PRND: variants seen among roughly 807,000 people sequenced by gnomAD.
PRND encodes the protein prion like protein doppel.
For missense variants in PRND, 227 were observed against 223.3 expected (o/e 1.02, Z -0.11); for synonymous variants, 94 against 93.2 (o/e 1.01, Z -0.05).
At position 4,724,311 on chromosome 20, in the gene PRND, C is replaced by A. The variant is rs2256319; in HGVS notation, c.-11-230C>A. 0.9 allele frequency among the ~76,000 whole-genome samples: 136,217 copies of A among 152,182 alleles called. 61,212 individuals are homozygous for A. Among genetic ancestry groups the A allele is most frequent in the African/African-American group, 0.97 (40,478 of 41,534 alleles). ...TGCCCTTTGCCATTCTTACCTGTCT[C>A]GGAAACCGGGACCAGAGCCCTGAGT... On this transcript the variant is annotated intron_variant, in intron 1 of 1. Transcript: ENST00000305817. The surrounding 1 kb of genome is among the most constrained non-coding windows in gnomAD (Gnocchi z 4.8).
rs913532861 is a variant in PRND, at chr20:4,727,599, C to A, written c.*2517C>A. ...TATTGTAAAAGTGACATGAAAATTA[C>A]AACAGATATTCCAGACCAAAATAAT... On this transcript the variant is annotated 3_prime_UTR_variant, in exon 2 of 2. Coordinates refer to ENST00000305817, the MANE Select transcript of PRND (RefSeq NM_012409.4). 3.0e-5 allele frequency: 5 copies of A among 167,034 alleles called. No individual in the cohort carries two copies. The highest frequency in any genetic ancestry group is 1.2e-4 in the African/African-American group (5 of 41,432). 10.3% of individuals were successfully genotyped at this position (167,034 alleles called of 1,614,324 possible). A position where few individuals can be genotyped will look rare whatever the true frequency, so the allele number is the denominator to read the frequency against.
rs1363077807 is a variant in PRND, at chr20:4,725,941, GC to G, written c.*861del. ...AACGGCATGATTTTGGCTCACTGCA[GC>G]CTCTGCCTCCCAGGCTCAAGCACTT... On this transcript the variant is annotated 3_prime_UTR_variant, in exon 2 of 2. Transcript: ENST00000305817. The G allele has an allele frequency of 6.2e-6, 1 of 161,730 alleles. No homozygotes were observed. The highest frequency in any genetic ancestry group is 1.5e-5 in the Non-Finnish European group (1 of 67,878). The allele number at this position is 161,730 out of a possible 1,614,324, so 10.0% of individuals were successfully genotyped here. A position where few individuals can be genotyped will look rare whatever the true frequency, so the allele number is the denominator to read the frequency against.
Position 4,722,148 on chromosome 20 carries a change from A to T in PRND, c.-12+179A>T, listed in dbSNP as rs73585013. Among the ~76,000 whole-genome samples, 1,137 of 152,314 alleles carry T rather than the reference A, an allele frequency of 7.5e-3. 18 individuals are homozygous for T. The highest frequency in any genetic ancestry group is 0.026 in the African/African-American group (1,084 of 41,548). On this transcript the variant is annotated intron_variant, in intron 1 of 1. Coordinates refer to ENST00000305817, the MANE Select transcript of PRND (RefSeq NM_012409.4). Reference sequence around the variant, plus strand: ...GCTTGCCTTTCTCTAAGTTGGTGCTATAATAAAATGCTACTTTAGGGTTTG... The same window carrying T: ...GCTTGCCTTTCTCTAAGTTGGTGCTTTAATAAAATGCTACTTTAGGGTTTG...
Position 4,724,414 on chromosome 20 carries a change from T to A in PRND, c.-11-127T>A, listed in dbSNP as rs1207605819. 10 of 1,230,734 alleles carry A rather than the reference T, an allele frequency of 8.1e-6. No individual in the cohort carries two copies. Among genetic ancestry groups the A allele is most frequent in the African/African-American group, 1.5e-5 (1 of 67,500 alleles). 76.2% of individuals were successfully genotyped at this position (1,230,734 alleles called of 1,614,324 possible). On this transcript the variant is annotated intron_variant, in intron 1 of 1. Transcript: ENST00000305817. The surrounding 1 kb of genome is among the most constrained non-coding windows in gnomAD (Gnocchi z 4.8). ...CAACCCAAACATGGGGAAACAATTA[T>A]GCTTTTGAGACCACATAAATAGCAC...
At position 4,724,768 on chromosome 20, in the gene PRND, G is replaced by T; in HGVS notation, c.217G>T (p.Glu73Ter). 1.2e-6 allele frequency: 2 copies of T among 1,614,220 alleles called. No homozygotes were observed. The highest frequency in any genetic ancestry group is 1.7e-6 in the Non-Finnish European group (2 of 1,180,042). ...CAAGCTCGACATTGACTTCGGAGCC[G>T]AGGGCAACAGGTACTACGAGGCCAA... ...GRKLDIDFGA[E>*]GNRYYEANYW... Residue 73 changes from glutamate to a stop codon, truncating the protein, a stop_gained, in exon 2 of 2, where the codon GAG becomes TAG. Coordinates refer to ENST00000305817, the MANE Select transcript of PRND (RefSeq NM_012409.4). LOFTEE classifies it low-confidence loss of function (END_TRUNC). The surrounding 1 kb of genome is among the most constrained non-coding windows in gnomAD (Gnocchi z 4.8).
chr20:4,722,717 C>T (rs1923138926), intron 1 of PRND, among the ~76,000 whole-genome samples: 1 of 152,090 alleles, frequency 6.6e-6, no homozygotes, highest in African/African-American at 2.4e-5. Flanking sequence ...TCAGCCTCCT[C>T]CAGCTCTGGG....
At chr20:4,722,238 G>A (rs1354167661) in intron 1 of PRND, among the ~76,000 whole-genome samples, 2 of 151,842 alleles carry the variant, frequency 1.3e-5, no homozygotes, top group African/African-American at 2.4e-5. Context: ...TCTCAAGAAT[G>A]CTGTGCTTTT....
At position 4,727,812 on chromosome 20, in the gene PRND, G is replaced by T. The variant is rs1275918995; in HGVS notation, c.*2730G>T. The T allele has an allele frequency of 1.4e-5, 1 of 71,710 alleles. No homozygotes were observed. The allele number at this position is 71,710 out of a possible 1,614,324, so 4.4% of individuals were successfully genotyped here. A position where few individuals can be genotyped will look rare whatever the true frequency, so the allele number is the denominator to read the frequency against. ...TCTATACTTTTTTTTTTGAGGCAGA[G>T]TCTCATTCTGTTGCCCAGGCTGGAG... On this transcript the variant is annotated 3_prime_UTR_variant, in exon 2 of 2. Transcript: ENST00000305817.
chr20:4,725,251 T>TA lies in PRND; in HGVS notation c.*169_*170insA. The TA allele has an allele frequency of 1.2e-6, 1 of 808,404 alleles. No individual in the cohort carries two copies. Among genetic ancestry groups the TA allele is most frequent in the East Asian group, 2.7e-5 (1 of 37,080 alleles). 50.1% of individuals were successfully genotyped at this position (808,404 alleles called of 1,614,324 possible). A position where few individuals can be genotyped will look rare whatever the true frequency, so the allele number is the denominator to read the frequency against. On this transcript the variant is annotated 3_prime_UTR_variant, in exon 2 of 2. Coordinates refer to ENST00000305817, the MANE Select transcript of PRND (RefSeq NM_012409.4). ...TGCGCCCTGGTATGTGCCTGCGTTC[T>TA]GATAGATGGGGGACTGTGGCTTCTC...
intron 1 of PRND, among the ~76,000 whole-genome samples, chr20:4,723,539 C>T (rs1923164053): frequency 6.6e-6 from 1 of 152,204 alleles, no homozygotes; most frequent in African/African-American, 2.4e-5. Context: ...TCCTCTCTCT[C>T]TCATTACTGC....
chr20:4,724,284 A>G lies in PRND; in HGVS notation c.-11-257A>G, dbSNP rs530648001. Among the ~76,000 whole-genome samples the G allele has an allele frequency of 6.6e-6, 1 of 152,070 alleles. No individual in the cohort carries two copies. The highest frequency in any genetic ancestry group is 1.5e-5 in the Non-Finnish European group (1 of 68,008). On this transcript the variant is annotated intron_variant, in intron 1 of 1. Coordinates refer to ENST00000305817, the MANE Select transcript of PRND (RefSeq NM_012409.4). This position sits in a 1 kb window ranked among gnomAD's most constrained non-coding sequence, Gnocchi z 4.8. ...CCCATGCGTATTCAAAGCCACTATA[A>G]TTGCCCTTTGCCATTCTTACCTGTC...
chr20:4,724,244 C>T lies in PRND; in HGVS notation c.-11-297C>T, dbSNP rs562631287. On this transcript the variant is annotated intron_variant, in intron 1 of 1. Coordinates refer to ENST00000305817, the MANE Select transcript of PRND (RefSeq NM_012409.4). The surrounding 1 kb of genome is among the most constrained non-coding windows in gnomAD (Gnocchi z 4.8). ...AAGAAAACCTACATGTATTAAGTCA[C>T]CACTCCTTTATTTTCCCATGCGTAT... is the stretch of plus-strand genomic sequence containing the variant. Among the ~76,000 whole-genome samples the T allele has an allele frequency of 2.0e-4, 30 of 152,036 alleles. No homozygotes were observed. The highest frequency in any genetic ancestry group is 4.0e-4 in the Non-Finnish European group (27 of 68,014).
At position 4,725,031 on chromosome 20, in the gene PRND, C is replaced by T. The variant is rs759870343; in HGVS notation, c.480C>T (p.His160=). 1 of 1,613,402 alleles carries T rather than the reference C, an allele frequency of 6.2e-7. No individual in the cohort carries two copies. Among genetic ancestry groups the T allele is most frequent in the African/African-American group, 1.3e-5 (1 of 74,874 alleles). ...GCGCAGGACTTCGGGTCACCATGCA[C>T]CAGCCAGTGCTCCTCTGCCTTCTGG... The part of the protein sequence containing the change: ...ERGAGLRVTM[H]QPVLLCLLAL... Residue 160 remains histidine, a synonymous_variant, in exon 2 of 2, where the codon CAC becomes CAT. Transcript: ENST00000305817.
In PRND at chr20:4,727,737, T is replaced by C. The variant is rs895784811; in HGVS notation, c.*2655T>C. Reference sequence around the variant, plus strand: ...ATATTTGCAATAAAAAAGTGAGCTTTTATATTCTAAATTTTTACTTAACTT... The same window carrying C: ...ATATTTGCAATAAAAAAGTGAGCTTCTATATTCTAAATTTTTACTTAACTT... On this transcript the variant is annotated 3_prime_UTR_variant, in exon 2 of 2. Transcript: ENST00000305817. The C allele has an allele frequency of 6.0e-6, 1 of 167,038 alleles. No homozygotes were observed. Among genetic ancestry groups the C allele is most frequent in the Non-Finnish European group, 1.5e-5 (1 of 68,124 alleles). The allele number at this position is 167,038 out of a possible 1,614,324, so 10.3% of individuals were successfully genotyped here. A position where few individuals can be genotyped will look rare whatever the true frequency, so the allele number is the denominator to read the frequency against.
Position 4,724,632 on chromosome 20 carries a change from G to C in PRND, c.81G>C (p.Arg27Ser), listed in dbSNP as rs757042575. The change falls in exon 2 of 2, where the codon AGG becomes AGC. Residue 27 changes from arginine (R) to serine (S), a missense_variant. Physicochemically the swap from Arg to Ser is moderately radical, Grantham distance 110 (BLOSUM62 -1). Coordinates refer to ENST00000305817, the MANE Select transcript of PRND (RefSeq NM_012409.4). The surrounding 1 kb of genome is among the most constrained non-coding windows in gnomAD (Gnocchi z 4.8). ...GCCACCTCTCTGCGGTCCAGACGAG[G>C]GGCATCAAGCACAGAATCAAGTGGA... ...LFSHLSAVQT[R>S]GIKHRIKWNR... 1.1e-5 allele frequency: 17 copies of C among 1,614,034 alleles called. No individual in the cohort carries two copies. Among genetic ancestry groups the C allele is most frequent in the South Asian group, 8.8e-5 (8 of 91,080 alleles).
At chr20:4,722,645 C>T (rs1218712064) in intron 1 of PRND, among the ~76,000 whole-genome samples, 1 of 151,862 alleles carries the variant, frequency 6.6e-6, no homozygotes, top group Non-Finnish European at 1.5e-5. Context: ...GAACATTAGC[C>T]ACTTTTAGGG....
At position 4,726,705 on chromosome 20, in the gene PRND, G is replaced by A. The variant is rs1424276247; in HGVS notation, c.*1623G>A. ...CCTTTAAAGAGAGTTTGTAAGGGGG[G>A]AACATGCATTTTATCAGACAATTTA... On this transcript the variant is annotated 3_prime_UTR_variant, in exon 2 of 2. Transcript: ENST00000305817. The A allele has an allele frequency of 2.4e-5, 4 of 167,102 alleles. No homozygotes were observed. The highest frequency in any genetic ancestry group is 5.9e-5 in the Non-Finnish European group (4 of 68,128). 10.4% of individuals were successfully genotyped at this position (167,102 alleles called of 1,614,324 possible).
Position 4,724,608 on chromosome 20 carries a change from C to A in PRND, c.57C>A (p.Ser19Arg). ...CCACTGTCTGCATGCTGCTCTTCAG[C>A]CACCTCTCTGCGGTCCAGACGAGGG... is the stretch of plus-strand genomic sequence containing the variant. ...WLATVCMLLF[S>R]HLSAVQTRGI... The change falls in exon 2 of 2, where the codon AGC (serine) becomes AGA (arginine). Residue 19 changes from serine to arginine, a missense_variant. By Grantham distance (110) the Ser-to-Arg change is moderately radical. Coordinates refer to ENST00000305817, the MANE Select transcript of PRND (RefSeq NM_012409.4). The surrounding 1 kb of genome is among the most constrained non-coding windows in gnomAD (Gnocchi z 4.8). 6.2e-7 allele frequency: 1 copy of A among 1,614,142 alleles called. No individual in the cohort carries two copies. Among genetic ancestry groups the A allele is most frequent in the Non-Finnish European group, 8.5e-7 (1 of 1,180,036 alleles).
At position 4,724,771 on chromosome 20, in the gene PRND, G is replaced by A; in HGVS notation, c.220G>A (p.Gly74Ser). The change falls in exon 2 of 2, where the codon GGC (glycine) becomes AGC (serine). Residue 74 changes from glycine to serine, a missense_variant. Physicochemically the swap from Gly to Ser is moderately conservative, Grantham distance 56 (BLOSUM62 0). Transcript: ENST00000305817. The surrounding 1 kb of genome is among the most constrained non-coding windows in gnomAD (Gnocchi z 4.8). ...RKLDIDFGAE[G>S]NRYYEANYWQ... ...GCTCGACATTGACTTCGGAGCCGAG[G>A]GCAACAGGTACTACGAGGCCAACTA... 1 of 1,614,228 alleles carries A rather than the reference G, an allele frequency of 6.2e-7. No homozygotes were observed. Among genetic ancestry groups the A allele is most frequent in the African/African-American group, 1.3e-5 (1 of 75,052 alleles).
Sources: allele counts gnomAD v4.1 joint callset (sites outside exome capture counted in the v4.1 genomes callset), GRCh38; gene constraint gnomAD v4.1.1; non-coding constraint Gnocchi (gnomAD v3.1); transcripts MANE v1.5; gene names NCBI Gene and HGNC (gene_info 2026-07-23, HGNC 2026-07-21).